Variants in CNTNAP2 observed in about 807,000 individuals in gnomAD.
CNTNAP2 encodes contactin-associated protein-like 2.
Under a neutral mutation model 155.2 loss-of-function variants are expected in CNTNAP2, and 98 were observed. That is an observed-to-expected ratio of 0.63 (90% confidence interval 0.54 to 0.75). The LOEUF is 0.75. CNTNAP2 is among the 30% of genes least tolerant of loss of function. CNTNAP2 has a pLI of 0.00. For missense variants in CNTNAP2, 1,727 were observed against 1,688.1 expected, an observed-to-expected ratio of 1.02 and a Z score of -0.40; for synonymous variants, 651 against 631.2, an observed-to-expected ratio of 1.03 and a Z score of -0.47.
At chr7:147,946,404 G>T (rs1030578573) in intron 14 of CNTNAP2, among the ~76,000 whole-genome samples, 1 of 152,040 alleles carries the variant, frequency 6.6e-6, no homozygotes, top group Admixed American at 6.6e-5. Flanking sequence ...GAATAAGCAG[G>T]AAGTTAAATA....
intron 12 of CNTNAP2, among the ~76,000 whole-genome samples, chr7:147,563,679 A>T (rs1800111794): frequency 6.6e-6 from 1 of 150,590 alleles, no homozygotes. Context: ...TTATTCAGGC[A>T]AATTCAAACT....
intron 9 of CNTNAP2, among the ~76,000 whole-genome samples, chr7:147,308,708 A>G (rs2116789683): frequency 6.6e-6 from 1 of 152,318 alleles, no homozygotes; most frequent in East Asian, 1.9e-4. Context: ...ATGTGGTCAT[A>G]GTTCCACCAA....
intron 1 of CNTNAP2, among the ~76,000 whole-genome samples, chr7:146,605,304 A>G (rs1449050994): frequency 2.0e-5 from 3 of 151,060 alleles, no homozygotes; most frequent in Non-Finnish European, 2.9e-5. Flanking sequence ...CAGATGATTG[A>G]TATTATTATC....
chr7:147,199,720 T>C (rs1399492435), intron 8 of CNTNAP2, among the ~76,000 whole-genome samples: 1 of 152,120 alleles, frequency 6.6e-6, no homozygotes, highest in East Asian at 1.9e-4. Flanking sequence ...AGTTCGTCTG[T>C]TACAATTACA....
At chr7:147,767,251 C>G (rs921210948) in intron 13 of CNTNAP2, among the ~76,000 whole-genome samples, 1 of 151,876 alleles carries the variant, frequency 6.6e-6, no homozygotes, top group Non-Finnish European at 1.5e-5. Context: ...TAAAAGCAAA[C>G]AAACAAACAA....
chr7:147,812,928 G>A (rs1474801005), intron 13 of CNTNAP2, among the ~76,000 whole-genome samples: 1 of 151,852 alleles, frequency 6.6e-6, no homozygotes, highest in African/African-American at 2.4e-5. Context: ...CTGTGTCAAG[G>A]AATATACATG....
At chr7:147,416,978 A>G (rs896438863) in intron 10 of CNTNAP2, among the ~76,000 whole-genome samples, 5 of 151,744 alleles carry the variant, frequency 3.3e-5, no homozygotes, top group South Asian at 2.1e-4. Context: ...AATCCCAGCT[A>G]CTCAGGAGGC....
chr7:146,760,954 A>T (rs1039476679), intron 1 of CNTNAP2, among the ~76,000 whole-genome samples: 1 of 152,198 alleles, frequency 6.6e-6, no homozygotes, highest in African/African-American at 2.4e-5. Context: ...TGAATCAAAG[A>T]TACCTAGATT....
chr7:147,704,127 C>T (rs1178907840), intron 13 of CNTNAP2, among the ~76,000 whole-genome samples: 1 of 152,120 alleles, frequency 6.6e-6, no homozygotes, highest in Admixed American at 6.5e-5. Context: ...ACATACACAA[C>T]TTTTTTGCTG....
At position 147,317,762 on chromosome 7, in the gene CNTNAP2, A is replaced by G. The variant is rs1795257278; in HGVS notation, c.1498+17472A>G. Reference sequence around the variant, plus strand: ...CTGTCGCTTAAACTTCAAAAAAAGGATATATATATATATATGTGTGTGTGT... The same window carrying G: ...CTGTCGCTTAAACTTCAAAAAAAGGGTATATATATATATATGTGTGTGTGT... On this transcript the variant is annotated intron_variant, in intron 9 of 23. Transcript: ENST00000361727. Among the ~76,000 whole-genome samples the G allele has an allele frequency of 3.9e-5, 4 of 102,414 alleles. 2 individuals carry two copies. The South Asian group carries it at 1.3e-3, about 33-fold the overall frequency. 67.2% of individuals were successfully genotyped at this position (102,414 alleles called of 152,430 possible).
intron 13 of CNTNAP2, among the ~76,000 whole-genome samples, chr7:147,668,130 T>C (rs900864876): frequency 3.3e-5 from 5 of 152,050 alleles, no homozygotes; most frequent in Admixed American, 6.6e-5. Context: ...ATAGAACATA[T>C]AGCTGAAGAA....
intron 1 of CNTNAP2, among the ~76,000 whole-genome samples, chr7:146,676,577 C>G (rs207468745): frequency 6.6e-6 from 1 of 151,878 alleles, no homozygotes; most frequent in Non-Finnish European, 1.5e-5. Context: ...AAGCATAGCA[C>G]CTGTAGTAGT....
At chr7:148,159,660 T>C (rs552096619) in intron 17 of CNTNAP2, among the ~76,000 whole-genome samples, 212 of 152,350 alleles carry the variant, frequency 1.4e-3, no homozygotes, top group African/African-American at 4.9e-3. Flanking sequence ...TGTGTGTGTG[T>C]GCCTCTGTGT....
intron 15 of CNTNAP2, among the ~76,000 whole-genome samples, chr7:148,022,883 C>T (rs1802309655): frequency 6.6e-6 from 1 of 152,034 alleles, no homozygotes; most frequent in Non-Finnish European, 1.5e-5. Flanking sequence ...GAAAGAGTGT[C>T]TTCATGCTTG....
intron 1 of CNTNAP2, among the ~76,000 whole-genome samples, chr7:146,426,484 CAT>C (rs968498886): frequency 6.6e-6 from 1 of 150,380 alleles, no homozygotes; most frequent in African/African-American, 2.4e-5. Flanking sequence ...AACACACACA[CAT>C]ATACACATAT....
At chr7:147,982,890 C>T (rs1173212701) in intron 15 of CNTNAP2, among the ~76,000 whole-genome samples, 3 of 151,690 alleles carry the variant, frequency 2.0e-5, no homozygotes, top group South Asian at 2.1e-4. Flanking sequence ...TGCTGGTGGC[C>T]GCCTGTAATC....
intron 1 of CNTNAP2, among the ~76,000 whole-genome samples, chr7:146,655,950 A>G (rs1799989948): frequency 6.6e-6 from 1 of 152,190 alleles, no homozygotes; most frequent in Admixed American, 6.5e-5. Context: ...AAAAAATGGG[A>G]TAGGTTTTGT....
chr7:147,687,211 A>G (rs1239292880), intron 13 of CNTNAP2, among the ~76,000 whole-genome samples: 1 of 152,132 alleles, frequency 6.6e-6, no homozygotes, highest in East Asian at 1.9e-4. Flanking sequence ...TCATAGAAAA[A>G]TAAATGATAA....
Position 147,071,641 on chromosome 7 carries a change from A to G in CNTNAP2, c.550+27587A>G, listed in dbSNP as rs540582186. Among the ~76,000 whole-genome samples, 6 of 152,320 alleles carry G rather than the reference A, an allele frequency of 3.9e-5. No homozygotes were observed. In the South Asian group the frequency reaches 1.2e-3, roughly 32 times the overall value. On this transcript the variant is annotated intron_variant, in intron 4 of 23. Coordinates refer to ENST00000361727, the MANE Select transcript of CNTNAP2 (RefSeq NM_014141.6). ...TTCCCTGGCCACATATGAGAAAGTG[A>G]CATTTAAGCTGAGATCTGTAAAATG...
Sources: gnomAD v4.1 joint callset for allele counts (sites outside exome capture counted in the v4.1 genomes callset) on GRCh38, gnomAD v4.1.1 for gene constraint, MANE v1.5 for transcripts, NCBI Gene and HGNC (gene_info 2026-07-23, HGNC 2026-07-21) for gene names.